Variants in MEI4 observed in about 807,000 individuals in gnomAD.
MEI4 encodes the protein meiosis-specific protein MEI4.
In MEI4, 27 loss-of-function variants were observed where a neutral mutation model predicts 31.4. That is an observed-to-expected ratio of 0.86 (90% CI 0.63 to 1.19). The LOEUF is 1.19. Ranked by LOEUF, MEI4 falls within the 50% of genes most tolerant of loss-of-function variation. The pLI, the probability that MEI4 is intolerant of heterozygous loss-of-function variation, is 0.00. For missense variants in MEI4, 329 were observed against 398.9 expected, an observed-to-expected ratio of 0.82 and a Z score of 1.49; for synonymous variants, 122 against 145.4, an observed-to-expected ratio of 0.84 and a Z score of 1.16.
In MEI4 at chr6:77,795,302, G is replaced by A. The variant is rs1335293522; in HGVS notation, c.769-33629G>A. Among the ~76,000 whole-genome samples, 13 of 152,094 alleles carry A rather than the reference G, an allele frequency of 8.5e-5. No individual in the cohort carries two copies. In the East Asian group the frequency reaches 1.5e-3, roughly 18 times the overall value. Reference sequence around the variant, plus strand: ...ACTGTCACCAACAATTTTACTCCTCGCTCATGCTTTGTGGAGTTTAGAGAT... The same window carrying A: ...ACTGTCACCAACAATTTTACTCCTCACTCATGCTTTGTGGAGTTTAGAGAT... On this transcript the variant is annotated intron_variant, in intron 3 of 4. Transcript: ENST00000684080.
intron 3 of MEI4, among the ~76,000 whole-genome samples, chr6:77,790,620 T>C (rs950338605): frequency 6.6e-6 from 1 of 152,070 alleles, no homozygotes; most frequent in Non-Finnish European, 1.5e-5. Context: ...TTGGGAGAGA[T>C]ATGGGCATCC....
At chr6:77,911,181 T>G (rs1440913374) in intron 4 of MEI4, among the ~76,000 whole-genome samples, 1 of 152,254 alleles carries the variant, frequency 6.6e-6, no homozygotes, top group East Asian at 1.9e-4. Flanking sequence ...TTTATTTAGA[T>G]AAGTAGTTGG....
Position 77,804,419 on chromosome 6 carries a change from C to T in MEI4, c.769-24512C>T, listed in dbSNP as rs149622451. Reference sequence around the variant, plus strand: ...GCACTTCTTGGGTGAGGCAATGCCTCGCTTTGCTTTGGCTCACACTCAGTG... The same window carrying T: ...GCACTTCTTGGGTGAGGCAATGCCTTGCTTTGCTTTGGCTCACACTCAGTG... On this transcript the variant is annotated intron_variant, in intron 3 of 4. Coordinates refer to ENST00000684080, the MANE Select transcript of MEI4 (RefSeq NM_001322247.2). Among the ~76,000 whole-genome samples the T allele has an allele frequency of 1.6e-3, 238 of 152,316 alleles. 2 individuals are homozygous for T. Among genetic ancestry groups the T allele is most frequent in the African/African-American group, 5.2e-3 (218 of 41,582 alleles).
chr6:77,796,464 T>TA (rs1313200747), intron 3 of MEI4, among the ~76,000 whole-genome samples: 2 of 152,102 alleles, frequency 1.3e-5, no homozygotes, highest in Admixed American at 1.3e-4. Context: ...TAGAACACCC[T>TA]AAAAATGCCA....
chr6:77,665,605 C>T (rs1334964532), intron 1 of MEI4, among the ~76,000 whole-genome samples: 1 of 152,200 alleles, frequency 6.6e-6, no homozygotes, highest in African/African-American at 2.4e-5. Flanking sequence ...CGTGGTCTGA[C>T]ACCTTTGAAA....
At chr6:77,691,925 A>AC (rs1562207610) in intron 2 of MEI4, among the ~76,000 whole-genome samples, 3 of 151,102 alleles carry the variant, frequency 2.0e-5, no homozygotes, top group African/African-American at 4.9e-5. Flanking sequence ...AGAAAAAAAA[A>AC]CACATAAATC....
chr6:77,810,212 G>A (rs1195160073), intron 3 of MEI4, among the ~76,000 whole-genome samples: 1 of 152,178 alleles, frequency 6.6e-6, no homozygotes, highest in Non-Finnish European at 1.5e-5. Flanking sequence ...GAGTGTTGAG[G>A]TATATCTAGC....
chr6:77,872,378 C>T (rs1159596197), intron 4 of MEI4, among the ~76,000 whole-genome samples: 12 of 152,018 alleles, frequency 7.9e-5, no homozygotes, highest in East Asian at 3.9e-4. Flanking sequence ...CCTGGAGTTC[C>T]GAGGTGTAGT....
intron 4 of MEI4, among the ~76,000 whole-genome samples, chr6:77,852,524 G>A (rs1368349465): frequency 3.3e-5 from 5 of 151,428 alleles, no homozygotes; most frequent in Non-Finnish European, 5.9e-5. Context: ...TTGCTTATAA[G>A]TAACCAACTT....
chr6:77,662,862 G>A (rs1406233046), intron 1 of MEI4, among the ~76,000 whole-genome samples: 1 of 152,168 alleles, frequency 6.6e-6, no homozygotes, highest in Non-Finnish European at 1.5e-5. Flanking sequence ...GCCGAGATAG[G>A]TAACAGATGA....
At chr6:77,875,309 A>G (rs193009507) in intron 4 of MEI4, among the ~76,000 whole-genome samples, 4 of 152,354 alleles carry the variant, frequency 2.6e-5, no homozygotes, top group African/African-American at 9.6e-5. Context: ...AGCACATACT[A>G]CATCTTCTGG....
chr6:77,740,314 T>C (rs760458521), intron 2 of MEI4, among the ~76,000 whole-genome samples: 2 of 152,194 alleles, frequency 1.3e-5, no homozygotes, highest in Non-Finnish European at 2.9e-5. Flanking sequence ...GTTCTGTAGA[T>C]GTCTATCAGG....
At chr6:77,850,397 C>T (rs938825253) in intron 4 of MEI4, among the ~76,000 whole-genome samples, 1 of 152,030 alleles carries the variant, frequency 6.6e-6, no homozygotes, top group African/African-American at 2.4e-5. Context: ...ACTACAAGGC[C>T]ACAGTAACCA....
intron 1 of MEI4, among the ~76,000 whole-genome samples, chr6:77,677,554 C>G (rs1768867529): frequency 6.6e-6 from 1 of 152,170 alleles, no homozygotes; most frequent in Non-Finnish European, 1.5e-5. Context: ...GACACTTTTT[C>G]TCCTATTGTC....
At chr6:77,696,541 G>T (rs1766050429) in intron 2 of MEI4, among the ~76,000 whole-genome samples, 1 of 151,494 alleles carries the variant, frequency 6.6e-6, no homozygotes, top group Non-Finnish European at 1.5e-5. Context: ...TTTTGTCTTT[G>T]GTTCTGTTTA....
At chr6:77,790,258 G>T (rs537855589) in intron 3 of MEI4, among the ~76,000 whole-genome samples, 1 of 122,740 alleles carries the variant, frequency 8.1e-6, no homozygotes, top group Non-Finnish European at 1.7e-5. Flanking sequence ...GTTGTGGGGT[G>T]GGGGGAGGGG....
chr6:77,656,267 C>T (rs900925921), intron 1 of MEI4, among the ~76,000 whole-genome samples: 9 of 152,022 alleles, frequency 5.9e-5, no homozygotes, highest in Admixed American at 1.3e-4. Flanking sequence ...AAATATATTT[C>T]AGAGGCTGCT....
At chr6:77,880,221 G>GT (rs1023533852) in intron 4 of MEI4, among the ~76,000 whole-genome samples, 320 of 143,334 alleles carry the variant, frequency 2.2e-3, no homozygotes, top group African/African-American at 7.3e-3. Context: ...TTATTGTGGG[G>GT]TTTTTTTTGT....
At chr6:77,731,512 T>C (rs1476246193) in intron 2 of MEI4, among the ~76,000 whole-genome samples, 2 of 151,552 alleles carry the variant, frequency 1.3e-5, no homozygotes, top group African/African-American at 4.9e-5. Flanking sequence ...GAGTTCATTG[T>C]AGATTCTGGA....
Sources: allele counts gnomAD v4.1 joint callset (sites outside exome capture counted in the v4.1 genomes callset), GRCh38; gene constraint gnomAD v4.1.1; transcripts MANE v1.5; gene names NCBI Gene and HGNC (gene_info 2026-07-23, HGNC 2026-07-21).